WDR49: variants seen among roughly 807,000 people sequenced by gnomAD.
The protein encoded by WDR49 is cilia- and flagella-associated protein 337.
A neutral mutation model predicts 119.5 loss-of-function variants in WDR49; 107 were observed. The observed-to-expected ratio is 0.90, with a 90% CI of 0.77 to 1.05. The LOEUF (loss-of-function observed/expected upper bound fraction) is 1.05, where lower values mean the gene tolerates loss of function less well. WDR49 is among the 50% of genes least tolerant of loss of function. The probability of loss-of-function intolerance (pLI) is 0.00; values close to 1 mark genes in which losing one functional copy is unlikely to be tolerated. For synonymous variants in WDR49, 425 were observed against 418.8 expected (o/e 1.01, Z -0.18); for missense variants, 1,240 against 1,220.5 (o/e 1.02, Z -0.24).
intron 18 of WDR49, among the ~76,000 whole-genome samples, chr3:167,493,431 G>A (rs1751228023): frequency 6.6e-6 from 1 of 152,168 alleles, no homozygotes; most frequent in Non-Finnish European, 1.5e-5. Flanking sequence ...CTGAGAAACA[G>A]CACCTCCCTG....
intron 16 of WDR49, among the ~76,000 whole-genome samples, chr3:167,519,650 G>A (rs1752355484): frequency 1.3e-5 from 2 of 152,042 alleles, no homozygotes; most frequent in Admixed American, 1.3e-4. Flanking sequence ...GGGGGATGGG[G>A]GAGGGGGAGC....
At chr3:167,514,630 C>CAG (rs1752124775) in intron 16 of WDR49, among the ~76,000 whole-genome samples, 1 of 11,426 alleles carries the variant, frequency 8.8e-5, no homozygotes, top group Non-Finnish European at 3.5e-4. Flanking sequence ...GAGATGCAGA[C>CAG]ACACACACAC....
intron 8 of WDR49, among the ~76,000 whole-genome samples, chr3:167,568,702 T>A (rs983960653): frequency 6.6e-6 from 1 of 152,182 alleles, no homozygotes; most frequent in Non-Finnish European, 1.5e-5. Flanking sequence ...CTAGTGGCAC[T>A]TCTTATGAGT....
chr3:167,531,845 T>C (rs1470349188), intron 12 of WDR49, among the ~76,000 whole-genome samples: 3 of 152,140 alleles, frequency 2.0e-5, no homozygotes, highest in Non-Finnish European at 4.4e-5. Context: ...CCCATAGTTA[T>C]GAAAAATCTA....
chr3:167,638,914 G>A (rs1437846307), intron 2 of WDR49, among the ~76,000 whole-genome samples: 1 of 151,568 alleles, frequency 6.6e-6, no homozygotes, highest in Non-Finnish European at 1.5e-5. Context: ...TATCCAGCTG[G>A]TGAATTAGAA....
intron 9 of WDR49, among the ~76,000 whole-genome samples, chr3:167,556,218 C>T (rs951556904): frequency 6.6e-6 from 1 of 152,020 alleles, no homozygotes; most frequent in Admixed American, 6.6e-5. Context: ...ATGAAGAAAA[C>T]GATTTTGGAA....
At chr3:167,568,031 C>T (rs1240514002) in intron 8 of WDR49, among the ~76,000 whole-genome samples, 2 of 152,188 alleles carry the variant, frequency 1.3e-5, no homozygotes, top group Non-Finnish European at 2.9e-5. Flanking sequence ...CACAAAATAA[C>T]AGAGTTGGTC....
At chr3:167,514,659 A>G (rs1427948647) in intron 16 of WDR49, among the ~76,000 whole-genome samples, 4 of 129,234 alleles carry the variant, frequency 3.1e-5, no homozygotes, top group Non-Finnish European at 6.8e-5. Context: ...ACACACACAC[A>G]CACACACACA....
rs762695592 is a variant in WDR49, at chr3:167,575,931, G to A, written c.1496C>T (p.Ser499Phe). 2.5e-6 allele frequency: 4 copies of A among 1,614,072 alleles called. No individual in the cohort carries two copies. In the East Asian group the frequency reaches 8.9e-5, roughly 36 times the overall value. ...EKAVTCVLYN[S>F]ILKQVISSDT... ...AAGCATCATTACCTGCTTCAAGATA[G>A]AATTGTAAAGAACACAAGTGACTGC... The change falls in exon 8 of 19, where the codon TCT (serine) becomes TTT (phenylalanine). Residue 499 changes from serine to phenylalanine, a missense_variant. Physicochemically the swap from Ser to Phe is radical, Grantham distance 155. Coordinates refer to ENST00000682715, the MANE Select transcript of WDR49 (RefSeq NM_001366157.1).
At position 167,482,220 on chromosome 3, in the gene WDR49, A is replaced by C. The variant is rs552820839; in HGVS notation, c.3032-3224T>G. On this transcript the variant is annotated intron_variant, in intron 18 of 18. Transcript: ENST00000682715. Reference sequence around the variant, plus strand: ...AATGACCAACACCAGAAAAGAGTAGAGCAATGCCTACAAGATAATCAGGGA... The same window carrying C: ...AATGACCAACACCAGAAAAGAGTAGCGCAATGCCTACAAGATAATCAGGGA... Among the ~76,000 whole-genome samples the C allele has an allele frequency of 1.2e-4, 18 of 152,332 alleles. 1 individual carries two copies. The South Asian group carries it at 3.7e-3, about 32-fold the overall frequency.
chr3:167,486,263 T>C (rs1234217999), intron 18 of WDR49, among the ~76,000 whole-genome samples: 1 of 152,036 alleles, frequency 6.6e-6, no homozygotes. Context: ...ATCCTAAATA[T>C]AGAACCAAAA....
chr3:167,521,963 AAGAT>A (rs201398579), intron 16 of WDR49, among the ~76,000 whole-genome samples: 6,371 of 77,172 alleles, frequency 0.083, 202 homozygotes, highest in African/African-American at 0.13. Context: ...TACACATTCT[AAGAT>A]AGATAGATAG....
At chr3:167,605,018 G>A (rs1715981817) in intron 5 of WDR49, among the ~76,000 whole-genome samples, 1 of 147,586 alleles carries the variant, frequency 6.8e-6, no homozygotes. Context: ...TGCTTTGTGT[G>A]TGTGTGTGTG....
intron 14 of WDR49, 141 bp downstream of exon 14, chr3:167,528,911 C>T (rs934541581): frequency 2.4e-5 from 13 of 547,782 alleles, no homozygotes; most frequent in Non-Finnish European, 2.8e-5. Flanking sequence ...CTGCATGAAA[C>T]TTGTAAATGT....
chr3:167,480,162 T>C (rs1202802151), intron 18 of WDR49, among the ~76,000 whole-genome samples: 2 of 146,846 alleles, frequency 1.4e-5, no homozygotes, highest in Admixed American at 7.0e-5. Flanking sequence ...GGTAGGAGAA[T>C]TGCTTGAACC....
intron 7 of WDR49, among the ~76,000 whole-genome samples, chr3:167,580,842 T>C (rs183477408): frequency 4.6e-5 from 7 of 152,330 alleles, no homozygotes; most frequent in African/African-American, 1.7e-4. Flanking sequence ...ATATGTTTAA[T>C]TTCAATTTTC....
chr3:167,627,395 C>A, intron 2 of WDR49, 103 bp from the exon 3 acceptor site: 1 of 1,079,854 alleles, frequency 9.3e-7, no homozygotes, highest in Non-Finnish European at 1.2e-6. Flanking sequence ...AGCAATTCTG[C>A]CAACATGAAA....
chr3:167,567,784 G>GA (rs1713692042), intron 8 of WDR49, among the ~76,000 whole-genome samples: 1 of 152,092 alleles, frequency 6.6e-6, no homozygotes, highest in Non-Finnish European at 1.5e-5. Flanking sequence ...TGGGGCCAGG[G>GA]GCATTGTCTA....
At chr3:167,550,530 C>A (rs1712492771) in intron 10 of WDR49, among the ~76,000 whole-genome samples, 1 of 151,784 alleles carries the variant, frequency 6.6e-6, no homozygotes, top group Admixed American at 6.6e-5. Flanking sequence ...GGAGATAAAA[C>A]CTTCATAAAC....
Sources: gnomAD v4.1 joint callset for allele counts (sites outside exome capture counted in the v4.1 genomes callset) on GRCh38, gnomAD v4.1.1 for gene constraint, MANE v1.5 for transcripts, NCBI Gene and HGNC (gene_info 2026-07-23, HGNC 2026-07-21) for gene names.